The following SV2C variants were observed in gnomAD, a reference collection of about 807,000 sequenced individuals.
SV2C encodes the protein synaptic vesicle glycoprotein 2C, also known as solute carrier family 22 member B3.
In SV2C, 49 loss-of-function variants were observed where a neutral mutation model predicts 79.7. That is an observed-to-expected ratio of 0.61 (90% confidence interval 0.49 to 0.78). The LOEUF is 0.78. Ranked by LOEUF, SV2C falls within the 30% of genes least tolerant of loss-of-function variation. SV2C has a pLI of 0.00. For synonymous variants in SV2C, 334 were observed against 333.2 expected (o/e 1.00, Z -0.03); for missense variants, 833 against 912.9 (o/e 0.91, Z 1.13).
At chr5:75,932,025 T>C in the SV2C span, among the ~76,000 whole-genome samples, 2 of 152,196 alleles carry the variant, frequency 1.3e-5, no homozygotes, top group African/African-American at 4.8e-5. Context: ...TGTTGCTCAC[T>C]TCATTCCCAT....
chr5:75,934,319 T>TC, the SV2C span, among the ~76,000 whole-genome samples: 5 of 146,864 alleles, frequency 3.4e-5, no homozygotes, highest in African/African-American at 1.3e-4. Context: ...TTTTTTTTTT[T>TC]CACTGTCGCT....
chr5:75,923,512 A>C, the SV2C span, among the ~76,000 whole-genome samples: 1 of 152,212 alleles, frequency 6.6e-6, no homozygotes, highest in Non-Finnish European at 1.5e-5. Flanking sequence ...ATATCTGCAA[A>C]CTATGCATCT....
the SV2C span, among the ~76,000 whole-genome samples, chr5:76,006,328 C>T: frequency 1.3e-5 from 2 of 152,210 alleles, no homozygotes; most frequent in South Asian, 2.1e-4. Flanking sequence ...TCTCTTTTTG[C>T]CCATCCTCTT....
the SV2C span, among the ~76,000 whole-genome samples, chr5:75,997,249 T>C: frequency 6.6e-6 from 1 of 152,162 alleles, no homozygotes; most frequent in Non-Finnish European, 1.5e-5. Flanking sequence ...AATCATGTGG[T>C]TTTTGTCATT....
chr5:75,900,035 CTT>C, the SV2C span, among the ~76,000 whole-genome samples: 3 of 152,044 alleles, frequency 2.0e-5, no homozygotes, highest in African/African-American at 7.2e-5. Flanking sequence ...GCCAGTCTGT[CTT>C]TTAATTGGAG....
chr5:75,951,173 C>T, the SV2C span, among the ~76,000 whole-genome samples: 3,105 of 151,976 alleles, frequency 0.02, 80 homozygotes, highest in African/African-American at 0.056. Flanking sequence ...TGTGGTCTTA[C>T]AGAGGGATGA....
Position 76,132,065 on chromosome 5 carries a change from C to T in SV2C, c.315C>T (p.Ser105=). The change falls in exon 2 of 13, where the codon AGC becomes AGT. Residue 105 remains serine, a synonymous_variant. Coordinates refer to ENST00000502798, the MANE Select transcript of SV2C (RefSeq NM_014979.4). ...CCAGTATGAACCAAGCGAAGGACAGCATCGTGTCAGTGGGGCAGCCCAAGG... is the reference window on the plus strand; with the variant it reads ...CCAGTATGAACCAAGCGAAGGACAGTATCGTGTCAGTGGGGCAGCCCAAGG... The part of the protein sequence containing the change: ...GIPSMNQAKD[S]IVSVGQPKGD... 6.2e-7 allele frequency: 1 copy of T among 1,611,940 alleles called. No individual in the cohort carries two copies. Among genetic ancestry groups the T allele is most frequent in the Non-Finnish European group, 8.5e-7 (1 of 1,178,708 alleles).
the SV2C span, among the ~76,000 whole-genome samples, chr5:76,068,243 A>G: frequency 1.3e-5 from 2 of 152,172 alleles, no homozygotes; most frequent in South Asian, 4.1e-4. Context: ...CTAGATTTCT[A>G]AAGAGTCAGG....
the SV2C span, among the ~76,000 whole-genome samples, chr5:75,988,065 A>C: frequency 6.6e-6 from 1 of 152,026 alleles, no homozygotes; most frequent in African/African-American, 2.4e-5. Flanking sequence ...GCACACATTA[A>C]ATGTGGTTAT....
the SV2C span, among the ~76,000 whole-genome samples, chr5:75,942,543 C>T: frequency 2.0e-5 from 3 of 152,148 alleles, no homozygotes; most frequent in Non-Finnish European, 2.9e-5. Context: ...AGGCTGCCTC[C>T]CTGTCAGTTA....
chr5:75,948,079 G>A, the SV2C span, among the ~76,000 whole-genome samples: 4 of 151,956 alleles, frequency 2.6e-5, no homozygotes, highest in African/African-American at 7.2e-5. Context: ...AGATAAAATG[G>A]CCTTATCCTG....
chr5:76,267,721 A>T (rs536188444), intron 4 of SV2C, among the ~76,000 whole-genome samples: 1 of 152,360 alleles, frequency 6.6e-6, no homozygotes, highest in South Asian at 2.1e-4. Flanking sequence ...GGGAAGCTCT[A>T]AAAGTGACAT....
chr5:75,981,720 A>G, the SV2C span, among the ~76,000 whole-genome samples: 2 of 152,316 alleles, frequency 1.3e-5, no homozygotes, highest in African/African-American at 4.8e-5. Flanking sequence ...AATCAACTCA[A>G]GATGGATTAA....
chr5:76,009,470 T>C, the SV2C span, among the ~76,000 whole-genome samples: 3 of 152,202 alleles, frequency 2.0e-5, no homozygotes, highest in African/African-American at 4.8e-5. Flanking sequence ...TGCATGTTCA[T>C]CGCAGCACTA....
chr5:76,160,905 A>AT (rs1742880469), intron 2 of SV2C, among the ~76,000 whole-genome samples: 1 of 152,074 alleles, frequency 6.6e-6, no homozygotes, highest in Non-Finnish European at 1.5e-5. Flanking sequence ...ATTTGGAGAA[A>AT]TTGAAACCCT....
At chr5:75,937,587 T>G in the SV2C span, among the ~76,000 whole-genome samples, 2 of 152,108 alleles carry the variant, frequency 1.3e-5, no homozygotes, top group African/African-American at 4.8e-5. Flanking sequence ...CATACACCTG[T>G]GGTCCCAGCT....
chr5:75,941,365 A>G, the SV2C span, among the ~76,000 whole-genome samples: 1 of 152,224 alleles, frequency 6.6e-6, no homozygotes, highest in Non-Finnish European at 1.5e-5. Context: ...TTAAAATGTT[A>G]CTTTAAACAT....
the SV2C span, among the ~76,000 whole-genome samples, chr5:75,926,135 G>A: frequency 1.3e-5 from 2 of 152,118 alleles, no homozygotes; most frequent in Non-Finnish European, 2.9e-5. Flanking sequence ...AGAATTAGAA[G>A]CCGGGGTAGC....
At chr5:76,231,118 T>G (rs1312088570) in intron 4 of SV2C, among the ~76,000 whole-genome samples, 4 of 152,200 alleles carry the variant, frequency 2.6e-5, no homozygotes, top group Non-Finnish European at 1.5e-5. Flanking sequence ...TTTCCAAGGT[T>G]ACAAAACACC....
Sources: allele counts gnomAD v4.1 joint callset (sites outside exome capture counted in the v4.1 genomes callset), GRCh38; gene constraint gnomAD v4.1.1; transcripts MANE v1.5; gene names NCBI Gene and HGNC (gene_info 2026-07-23, HGNC 2026-07-21).